Variants in SORCS3 observed in about 807,000 individuals in gnomAD.
The protein encoded by SORCS3 is VPS10 domain-containing receptor SorCS3.
In SORCS3, 57 loss-of-function variants were observed where a neutral mutation model predicts 146.3. That is an observed-to-expected ratio of 0.39 (90% confidence interval 0.31 to 0.49). The LOEUF (loss-of-function observed/expected upper bound fraction) is 0.49, where lower values mean the gene tolerates loss of function less well. SORCS3 is among the 20% of genes least tolerant of loss of function. The pLI is 0.92. For synonymous variants in SORCS3, 653 were observed against 618.5 expected, an observed-to-expected ratio of 1.06 and a Z score of -0.83; for missense variants, 1,341 against 1,575.5, an observed-to-expected ratio of 0.85 and a Z score of 2.52.
At chr10:105,257,400 A>G (rs2056937901) in intron 25 of SORCS3, among the ~76,000 whole-genome samples, 1 of 152,208 alleles carries the variant, frequency 6.6e-6, no homozygotes, top group South Asian at 2.1e-4. Context: ...CATGCTAAAG[A>G]TATTCAACTA....
intron 4 of SORCS3, among the ~76,000 whole-genome samples, chr10:104,985,835 A>G (rs1476505346): frequency 6.6e-6 from 1 of 152,002 alleles, no homozygotes; most frequent in Non-Finnish European, 1.5e-5. Flanking sequence ...GTAGGTCTCA[A>G]CAGTGGGCTT....
intron 4 of SORCS3, among the ~76,000 whole-genome samples, chr10:105,022,065 A>C (rs1235633341): frequency 1.3e-5 from 2 of 152,134 alleles, no homozygotes; most frequent in African/African-American, 4.8e-5. Flanking sequence ...AAATAGGCAG[A>C]GCACAGAAGA....
chr10:105,031,598 A>G (rs374472402), intron 4 of SORCS3, among the ~76,000 whole-genome samples: 78 of 152,322 alleles, frequency 5.1e-4, no homozygotes, highest in African/African-American at 1.9e-3. Flanking sequence ...TCCCTGGAGA[A>G]CTTGCTGCCG....
chr10:104,889,454 ATTTT>A (rs76032970), intron 2 of SORCS3, among the ~76,000 whole-genome samples: 1 of 116,956 alleles, frequency 8.6e-6, no homozygotes, highest in Non-Finnish European at 1.9e-5. Context: ...TTTGGATGGT[ATTTT>A]TTTTTTTTTT....
intron 2 of SORCS3, among the ~76,000 whole-genome samples, chr10:104,879,190 G>A (rs2018606857): frequency 1.3e-5 from 2 of 152,180 alleles, no homozygotes; most frequent in Admixed American, 1.3e-4. Context: ...TTGCAGTTTT[G>A]TAAGTTAGAA....
intron 1 of SORCS3, among the ~76,000 whole-genome samples, chr10:104,739,881 G>T (rs76139396): frequency 6.6e-6 from 1 of 152,150 alleles, no homozygotes; most frequent in African/African-American, 2.4e-5. Flanking sequence ...GAGGATTTCT[G>T]GGTGCTAATT....
At chr10:105,092,307 T>A (rs1395954833) in intron 6 of SORCS3, among the ~76,000 whole-genome samples, 1 of 152,224 alleles carries the variant, frequency 6.6e-6, no homozygotes, top group African/African-American at 2.4e-5. Context: ...TGTCTTGTGC[T>A]GTACTTAGGT....
In SORCS3 at chr10:104,992,699, A is replaced by T. The variant is rs1253175490; in HGVS notation, c.954+15206A>T. On this transcript the variant is annotated intron_variant, in intron 4 of 26. Coordinates refer to ENST00000369701, the MANE Select transcript of SORCS3 (RefSeq NM_014978.3). ...CTATTTCACACCAAAGTGCCCTGGC[A>T]CACATGCTTTCTTCTAGGAGTCCTT... Among the ~76,000 whole-genome samples, 3 of 152,300 alleles carry T rather than the reference A, an allele frequency of 2.0e-5. No individual in the cohort carries two copies. In the East Asian group the frequency reaches 5.8e-4, roughly 29 times the overall value.
chr10:104,722,010 C>T (rs1297094085), intron 1 of SORCS3, among the ~76,000 whole-genome samples: 1 of 152,182 alleles, frequency 6.6e-6, no homozygotes, highest in Admixed American at 6.5e-5. Context: ...ACTTCCAACA[C>T]TATGTTGAAT....
At chr10:104,790,774 C>CA (rs1210929954) in intron 1 of SORCS3, among the ~76,000 whole-genome samples, 1 of 152,188 alleles carries the variant, frequency 6.6e-6, no homozygotes, top group Admixed American at 6.5e-5. Context: ...ATGAAATGAG[C>CA]AAAACATGGT....
At chr10:104,666,844 A>G (rs954990559) in intron 1 of SORCS3, among the ~76,000 whole-genome samples, 1 of 151,912 alleles carries the variant, frequency 6.6e-6, no homozygotes. Context: ...TTTTATATGC[A>G]TTTCTTATTT....
chr10:105,073,691 C>T (rs990275493), intron 5 of SORCS3, among the ~76,000 whole-genome samples: 6 of 152,168 alleles, frequency 3.9e-5, no homozygotes, highest in Middle Eastern at 6.8e-3. Context: ...AGCATGGAGC[C>T]ACTGGATGTA....
chr10:105,099,570 G>A (rs561829364), intron 6 of SORCS3, among the ~76,000 whole-genome samples: 15 of 152,276 alleles, frequency 9.9e-5, no homozygotes, highest in African/African-American at 3.4e-4. Context: ...GTCAGCCCAG[G>A]AAGAGAAAAG....
rs1482537100 is a variant in SORCS3 at position 105,242,373 on chromosome 10, C to T, written c.2869-3169C>T. Among the ~76,000 whole-genome samples, 260 of 83,206 alleles carry T rather than the reference C, an allele frequency of 3.1e-3. 2 individuals are homozygous for T. Among genetic ancestry groups the T allele is most frequent in the East Asian group, 3.8e-3 (11 of 2,866 alleles). 54.6% of individuals were successfully genotyped at this position (83,206 alleles called of 152,430 possible). A position where few individuals can be genotyped will look rare whatever the true frequency, so the allele number is the denominator to read the frequency against. The stretch of plus-strand genomic sequence containing the variant: ...ATACATATATTTATATATATTTATA[C>T]ATATATTTATATATATTTATATATT... On this transcript the variant is annotated intron_variant, in intron 20 of 26. Coordinates refer to ENST00000369701, the MANE Select transcript of SORCS3 (RefSeq NM_014978.3).
chr10:104,889,349 C>T (rs1467421254), intron 2 of SORCS3, among the ~76,000 whole-genome samples: 3 of 148,562 alleles, frequency 2.0e-5, no homozygotes, highest in Non-Finnish European at 4.5e-5. Context: ...AGATCATTTA[C>T]ATTTAATGTA....
intron 14 of SORCS3, among the ~76,000 whole-genome samples, chr10:105,187,778 C>T (rs2056488753): frequency 6.6e-6 from 1 of 152,192 alleles, no homozygotes; most frequent in South Asian, 2.1e-4. Flanking sequence ...GTATCGATAG[C>T]TTACTACAAG....
intron 20 of SORCS3, among the ~76,000 whole-genome samples, chr10:105,233,664 G>A (rs2056777415): frequency 6.6e-6 from 1 of 152,078 alleles, no homozygotes; most frequent in Non-Finnish European, 1.5e-5. Context: ...GCAGTGTTTG[G>A]TTTTCTGTTC....
Position 104,881,229 on chromosome 10 carries a change from A to G in SORCS3, c.696-34604A>G, listed in dbSNP as rs542672870. ...AGCTACATGCACAGTACAATGAGAG[A>G]TACAAATATGGGTGAGTGCATATAG... On this transcript the variant is annotated intron_variant, in intron 2 of 26. Transcript: ENST00000369701. 7.9e-5 allele frequency among the ~76,000 whole-genome samples: 12 copies of G among 152,298 alleles called. No individual in the cohort carries two copies. The East Asian group carries it at 2.1e-3, about 27-fold the overall frequency.
chr10:105,020,042 C>G (rs74155091), intron 4 of SORCS3, among the ~76,000 whole-genome samples: 2,232 of 152,224 alleles, frequency 0.015, 51 homozygotes, highest in African/African-American at 0.051. Flanking sequence ...ATTTTAAGGC[C>G]TTAGAGCTCC....
Sources: gnomAD v4.1 joint callset for allele counts (sites outside exome capture counted in the v4.1 genomes callset) on GRCh38, gnomAD v4.1.1 for gene constraint, MANE v1.5 for transcripts, NCBI Gene and HGNC (gene_info 2026-07-23, HGNC 2026-07-21) for gene names.